The following FHIT variants were observed in gnomAD, a reference collection of about 807,000 sequenced individuals.
FHIT encodes fragile histidine triad diadenosine triphosphatase.
Under a neutral mutation model 17.9 loss-of-function variants are expected in FHIT, and 19 were observed. The ratio of observed to expected loss-of-function variants is 1.06; its 90% CI spans 0.74 to 1.56. FHIT has a LOEUF of 1.56. Ranked by LOEUF, FHIT falls within the 40% of genes most tolerant of loss-of-function variation. FHIT has a pLI of 0.00. For synonymous variants in FHIT, 81 were observed against 69.7 expected (o/e 1.16, Z -0.81); for missense variants, 248 against 189.2 (o/e 1.31, Z -1.82).
chr3:59,775,057 C>G (rs1389383349), intron 8 of FHIT, among the ~76,000 whole-genome samples: 2 of 152,206 alleles, frequency 1.3e-5, no homozygotes, highest in Non-Finnish European at 2.9e-5. Context: ...AGAAGCACTG[C>G]TCTGGGCTAT....
chr3:59,858,666 TG>T (rs1438866959), intron 8 of FHIT, among the ~76,000 whole-genome samples: 1 of 151,844 alleles, frequency 6.6e-6, no homozygotes, highest in Non-Finnish European at 1.5e-5. Context: ...GCTGCATGGA[TG>T]GGGGCAGTGG....
intron 1 of FHIT, among the ~76,000 whole-genome samples, chr3:61,215,189 A>G (rs2039632200): frequency 6.6e-6 from 1 of 152,098 alleles, no homozygotes; most frequent in Admixed American, 6.6e-5. Context: ...AATAAAGGGC[A>G]TTCAATTAGG....
chr3:60,927,155 A>G (rs1575702964), intron 3 of FHIT, among the ~76,000 whole-genome samples: 1 of 152,260 alleles, frequency 6.6e-6, no homozygotes, highest in Non-Finnish European at 1.5e-5. Flanking sequence ...GTGCGCTGCT[A>G]AGCCTGACTG....
intron 4 of FHIT, among the ~76,000 whole-genome samples, chr3:60,807,260 A>G (rs1488972288): frequency 1.3e-5 from 2 of 152,104 alleles, no homozygotes; most frequent in Non-Finnish European, 2.9e-5. Flanking sequence ...ATGAACTACA[A>G]ATAGTTTCCT....
At chr3:61,096,970 G>A (rs1169351414) in intron 2 of FHIT, among the ~76,000 whole-genome samples, 2 of 151,470 alleles carry the variant, frequency 1.3e-5, no homozygotes, top group Non-Finnish European at 2.9e-5. Flanking sequence ...AGCCAGCTAC[G>A]CCGAAGGCTG....
At chr3:59,779,615 AC>A (rs55800705) in intron 8 of FHIT, among the ~76,000 whole-genome samples, 3,630 of 152,264 alleles carry the variant, frequency 0.024, 121 homozygotes, top group East Asian at 0.15. Flanking sequence ...AAGTTACACT[AC>A]CCAAATATGT....
chr3:60,614,270 C>G (rs1390325773), intron 4 of FHIT, among the ~76,000 whole-genome samples: 1 of 152,104 alleles, frequency 6.6e-6, no homozygotes, highest in African/African-American at 2.4e-5. Flanking sequence ...CTTGGTTTTG[C>G]TTAATATCGC....
At chr3:60,649,418 A>G (rs944936692) in intron 4 of FHIT, among the ~76,000 whole-genome samples, 5 of 152,144 alleles carry the variant, frequency 3.3e-5, no homozygotes, top group African/African-American at 9.7e-5. Context: ...ACAAAACAAA[A>G]CAAAAAATTC....
intron 8 of FHIT, among the ~76,000 whole-genome samples, chr3:59,807,908 G>C (rs1306641520): frequency 6.6e-6 from 1 of 152,200 alleles, no homozygotes; most frequent in Non-Finnish European, 1.5e-5. Context: ...CAATTTATAT[G>C]TCTGTGGTGA....
At chr3:59,983,059 C>G (rs1398148712) in intron 7 of FHIT, among the ~76,000 whole-genome samples, 1 of 152,048 alleles carries the variant, frequency 6.6e-6, no homozygotes, top group African/African-American at 2.4e-5. Context: ...CCACCTCAGT[C>G]TTCCAAGTAG....
intron 5 of FHIT, among the ~76,000 whole-genome samples, chr3:60,047,337 G>A (rs1701694728): frequency 6.6e-6 from 1 of 152,182 alleles, no homozygotes; most frequent in Admixed American, 6.5e-5. Flanking sequence ...GCCTGTAACT[G>A]CTGAGGTTAA....
At chr3:60,157,348 G>T (rs1700747206) in intron 5 of FHIT, among the ~76,000 whole-genome samples, 1 of 152,170 alleles carries the variant, frequency 6.6e-6, no homozygotes, top group Non-Finnish European at 1.5e-5. Flanking sequence ...AAGTCCAGTT[G>T]TTCTACCAGT....
chr3:60,331,840 C>G (rs1239220850), intron 5 of FHIT, among the ~76,000 whole-genome samples: 3 of 133,966 alleles, frequency 2.2e-5, no homozygotes, highest in Non-Finnish European at 3.3e-5. Flanking sequence ...GAGCAAAACT[C>G]TGTCTCGGAA....
intron 7 of FHIT, among the ~76,000 whole-genome samples, chr3:59,932,760 C>T (rs550929287): frequency 6.1e-4 from 93 of 152,008 alleles, no homozygotes; most frequent in Non-Finnish European, 1.1e-3. Flanking sequence ...CAGTGAGAGA[C>T]GATTACACTT....
At chr3:60,009,210 T>C (rs1700045030) in intron 7 of FHIT, among the ~76,000 whole-genome samples, 1 of 146,736 alleles carries the variant, frequency 6.8e-6, no homozygotes, top group African/African-American at 2.5e-5. Flanking sequence ...TGTGTGTGTG[T>C]GTGTGTGTGT....
At chr3:60,126,358 C>T (rs1705550277) in intron 5 of FHIT, among the ~76,000 whole-genome samples, 1 of 152,148 alleles carries the variant, frequency 6.6e-6, no homozygotes, top group African/African-American at 2.4e-5. Flanking sequence ...GGAGCGCAGC[C>T]TCAGTTGAGT....
chr3:60,795,471 T>C (rs1553729956), intron 4 of FHIT, among the ~76,000 whole-genome samples: 12 of 151,920 alleles, frequency 7.9e-5, no homozygotes, highest in Non-Finnish European at 1.8e-4. Context: ...TTTAATTTCT[T>C]TAGCCATGGT....
At chr3:60,392,968 C>G (rs909965027) in intron 5 of FHIT, among the ~76,000 whole-genome samples, 1 of 152,130 alleles carries the variant, frequency 6.6e-6, no homozygotes, top group South Asian at 2.1e-4. Context: ...GCTAGGGAAG[C>G]TTCATCAGAA....
At chr3:60,577,733 C>T (rs541953753) in intron 4 of FHIT, among the ~76,000 whole-genome samples, 4 of 152,198 alleles carry the variant, frequency 2.6e-5, no homozygotes, top group African/African-American at 7.2e-5. Context: ...TACAACCGTT[C>T]GGCTGCCTCA....
Sources: gnomAD v4.1 joint callset for allele counts (sites outside exome capture counted in the v4.1 genomes callset) on GRCh38, gnomAD v4.1.1 for gene constraint, MANE v1.5 for transcripts, NCBI Gene and HGNC (gene_info 2026-07-23, HGNC 2026-07-21) for gene names.